CPED1: variants seen among roughly 807,000 people sequenced by gnomAD.
The protein encoded by CPED1 is cadherin-like and PC-esterase domain-containing protein 1.
CPED1 carries 114 observed loss-of-function variants against 128.2 expected under a neutral mutation model. That is an observed-to-expected ratio of 0.89 (90% CI 0.76 to 1.04). The LOEUF (loss-of-function observed/expected upper bound fraction) is 1.04. Among genes scored for constraint, CPED1 ranks in the 50% least tolerant of loss-of-function variants. CPED1 has a pLI of 0.00. For missense variants in CPED1, 1,211 were observed against 1,207.1 expected (o/e 1.00, Z -0.05); for synonymous variants, 462 against 426.7 (o/e 1.08, Z -1.02).
rs1485889379 is a variant in CPED1 at position 121,116,967 on chromosome 7, TATATATATATACACACACACACAC to T, written c.919-7354_919-7331del. ...CTCTCTCTCTCTCTCTCTCTCTATA[TATATATATATACACACACACACAC>T]ATATATATACACACACACATATATA... is the stretch of plus-strand genomic sequence containing the variant. On this transcript the variant is annotated intron_variant, in intron 7 of 22. Coordinates refer to ENST00000310396, the MANE Select transcript of CPED1 (RefSeq NM_024913.5). 2.2e-5 allele frequency among the ~76,000 whole-genome samples: 3 copies of T among 135,768 alleles called. No homozygotes were observed. The East Asian group carries it at 7.6e-4, about 34-fold the overall frequency. 89.1% of individuals were successfully genotyped at this position (135,768 alleles called of 152,430 possible).
At chr7:121,150,334 G>C (rs1796129002) in intron 16 of CPED1, among the ~76,000 whole-genome samples, 1 of 151,744 alleles carries the variant, frequency 6.6e-6, no homozygotes. Flanking sequence ...AATTCCCTTA[G>C]GATGATGGCC....
intron 16 of CPED1, among the ~76,000 whole-genome samples, chr7:121,199,100 A>G (rs540327976): frequency 1.5e-3 from 231 of 152,292 alleles, no homozygotes; most frequent in African/African-American, 5.2e-3. Flanking sequence ...AGGAATTACA[A>G]GTGCTCTTTA....
In CPED1 at chr7:121,267,259, T is replaced by C. The variant is rs375914220; in HGVS notation, c.2678T>C (p.Ile893Thr). 23 of 1,603,234 alleles carry C rather than the reference T, an allele frequency of 1.4e-5. No homozygotes were observed. The African/African-American group carries it at 2.8e-4, about 20-fold the overall frequency. Residue 893 changes from isoleucine to threonine, a missense_variant, in exon 21 of 23, where the codon ATT becomes ACT. Ile to Thr is a moderately conservative substitution (Grantham distance 89). Transcript: ENST00000310396. ...NILVIIKTLG[I>T]GFHLPVDGVH... ...CTAGTGATCATCAAAACTTTGGGAATTGGATTTCATCTGCCAGTGGATGGA... is the reference window on the plus strand; with the variant it reads ...CTAGTGATCATCAAAACTTTGGGAACTGGATTTCATCTGCCAGTGGATGGA...
At chr7:121,060,700 C>A (rs1210812554) in intron 4 of CPED1, among the ~76,000 whole-genome samples, 1 of 152,208 alleles carries the variant, frequency 6.6e-6, no homozygotes, top group Non-Finnish European at 1.5e-5. Context: ...CTACTGGGCT[C>A]TACCAGGCTC....
At chr7:121,039,242 T>C (rs1411630945) in intron 3 of CPED1, among the ~76,000 whole-genome samples, 2 of 152,128 alleles carry the variant, frequency 1.3e-5, no homozygotes, top group Non-Finnish European at 2.9e-5. Flanking sequence ...TAGCTTATAA[T>C]TCAATATTAC....
intron 16 of CPED1, among the ~76,000 whole-genome samples, chr7:121,176,595 A>G (rs554506153): frequency 5.3e-5 from 8 of 152,204 alleles, no homozygotes; most frequent in African/African-American, 1.7e-4. Context: ...GGAGTCAAAT[A>G]TGTCCACAGG....
At chr7:121,109,197 C>T (rs530645231) in intron 7 of CPED1, among the ~76,000 whole-genome samples, 1 of 152,080 alleles carries the variant, frequency 6.6e-6, no homozygotes, top group Admixed American at 6.6e-5. Context: ...GATTCTCTCC[C>T]AGGACTCTTC....
intron 22 of CPED1, among the ~76,000 whole-genome samples, chr7:121,285,432 C>G (rs1792546034): frequency 6.6e-6 from 1 of 152,218 alleles, no homozygotes; most frequent in Admixed American, 6.5e-5. Context: ...GCTTAAATTT[C>G]TCCCCTAAAA....
At chr7:121,066,776 G>C (rs1341972823) in intron 5 of CPED1, among the ~76,000 whole-genome samples, 3 of 152,104 alleles carry the variant, frequency 2.0e-5, no homozygotes, top group African/African-American at 7.2e-5. Flanking sequence ...TTGGCCCTCT[G>C]TATCTGTGGG....
chr7:121,129,357 A>G (rs1795607250), intron 11 of CPED1, among the ~76,000 whole-genome samples: 2 of 144,458 alleles, frequency 1.4e-5, no homozygotes, highest in South Asian at 2.1e-4. Flanking sequence ...ATATACATAC[A>G]TACACTACTT....
intron 18 of CPED1, among the ~76,000 whole-genome samples, chr7:121,244,904 G>C (rs969164971): frequency 1.3e-5 from 2 of 152,166 alleles, no homozygotes; most frequent in African/African-American, 4.8e-5. Context: ...TGATTTCTGG[G>C]ACATGCAGTG....
At chr7:121,192,289 T>A (rs1212276622) in intron 16 of CPED1, among the ~76,000 whole-genome samples, 1 of 152,138 alleles carries the variant, frequency 6.6e-6, no homozygotes, top group East Asian at 1.9e-4. Flanking sequence ...CAAAACTTTT[T>A]GAGTACTGAC....
chr7:121,133,775 G>T, intron 12 of CPED1, 48 bp from the exon 13 acceptor site: 1 of 1,268,308 alleles, frequency 7.9e-7, no homozygotes, highest in Non-Finnish European at 1.1e-6. Context: ...ATTTCCACGC[G>T]TTTTGTTCAT....
At chr7:121,205,510 T>C (rs945572664) in intron 16 of CPED1, among the ~76,000 whole-genome samples, 1 of 151,998 alleles carries the variant, frequency 6.6e-6, no homozygotes, top group African/African-American at 2.4e-5. Context: ...GTTTCTAGTG[T>C]TGTTTTTGTT....
chr7:121,119,379 C>T (rs1441461353), intron 7 of CPED1, among the ~76,000 whole-genome samples: 1 of 150,894 alleles, frequency 6.6e-6, no homozygotes, highest in East Asian at 2.0e-4. Flanking sequence ...GTTGGTCAGG[C>T]TAATCTCCAA....
chr7:121,124,845 A>G (rs1795467324), intron 8 of CPED1, among the ~76,000 whole-genome samples: 1 of 152,206 alleles, frequency 6.6e-6, no homozygotes, highest in Non-Finnish European at 1.5e-5. Flanking sequence ...CACTGATTTC[A>G]TAATGCAGAG....
intron 6 of CPED1, among the ~76,000 whole-genome samples, chr7:121,098,765 T>A (rs1233306478): frequency 3.1e-4 from 12 of 38,582 alleles, no homozygotes; most frequent in African/African-American, 9.2e-4. Flanking sequence ...AAAATATATA[T>A]AAATATATAT....
In CPED1 at chr7:121,127,180, T is replaced by A; in HGVS notation, c.1225T>A (p.Phe409Ile). The change falls in exon 10 of 23, where the codon TTT (phenylalanine) becomes ATT (isoleucine). Residue 409 changes from phenylalanine (F) to isoleucine (I), a missense_variant. By Grantham distance (21) the Phe-to-Ile change is conservative. Coordinates refer to ENST00000310396, the MANE Select transcript of CPED1 (RefSeq NM_024913.5). The stretch of plus-strand genomic sequence containing the variant: ...ATTCCTTTTAAATGACACTTTCAAT[T>A]TTCTCTTCCCTAATGAATCATCACT... ...EEFLLNDTFNFLFPNESSLSI... is the reference protein window; with the variant it reads ...EEFLLNDTFNILFPNESSLSI... 6.3e-7 allele frequency: 1 copy of A among 1,593,398 alleles called. No individual in the cohort carries two copies. Among genetic ancestry groups the A allele is most frequent in the Non-Finnish European group, 8.6e-7 (1 of 1,162,952 alleles).
intron 5 of CPED1, among the ~76,000 whole-genome samples, chr7:121,091,238 A>G (rs905750031): frequency 6.6e-6 from 1 of 152,326 alleles, no homozygotes; most frequent in Middle Eastern, 3.4e-3. Context: ...AACCTAATAC[A>G]GAATTCCTTT....
Sources: gnomAD v4.1 joint callset for allele counts (sites outside exome capture counted in the v4.1 genomes callset) on GRCh38, gnomAD v4.1.1 for gene constraint, MANE v1.5 for transcripts, NCBI Gene and HGNC (gene_info 2026-07-23, HGNC 2026-07-21) for gene names.